The following SYTL5 variants were observed in gnomAD, a reference collection of about 807,000 sequenced individuals.
The protein encoded by SYTL5 is synaptotagmin like 5.
In SYTL5, 34 loss-of-function variants were observed where a neutral mutation model predicts 55.9. The ratio of observed to expected loss-of-function variants is 0.61; its 90% confidence interval spans 0.46 to 0.81. SYTL5 has a LOEUF of 0.81. Ranked by LOEUF, SYTL5 falls within the 30% of genes least tolerant of loss-of-function variation. SYTL5 has a pLI of 0.00. For missense variants in SYTL5, 637 were observed against 546.7 expected, an observed-to-expected ratio of 1.17 and a Z score of -1.65; for synonymous variants, 221 against 188.7, an observed-to-expected ratio of 1.17 and a Z score of -1.40.
At chrX:37,920,117 T>C in the SYTL5 span, among the ~76,000 whole-genome samples, 30 of 111,678 alleles carry the variant, frequency 2.7e-4, no homozygotes, top group African/African-American at 8.4e-4. Context: ...ATTTGGCCCA[T>C]GTGGATTTGC....
intron 3 of SYTL5, among the ~76,000 whole-genome samples, chrX:38,055,079 C>T (rs754091694): frequency 4.5e-5 from 5 of 111,804 alleles, no homozygotes; most frequent in Middle Eastern, 4.6e-3. Flanking sequence ...CTTGGCTTCA[C>T]GTGGCTCCTC....
At chrX:37,973,950 A>G in the SYTL5 span, among the ~76,000 whole-genome samples, 2 of 111,934 alleles carry the variant, frequency 1.8e-5, no homozygotes, top group African/African-American at 6.5e-5. Context: ...TAAGCCAAAA[A>G]CAGCAAGAAG....
At chrX:38,009,188 G>A (rs1364500629) in intron 1 of SYTL5, among the ~76,000 whole-genome samples, 2 of 111,329 alleles carry the variant, frequency 1.8e-5, no homozygotes, top group Non-Finnish European at 3.8e-5. Context: ...TTCCCTCAAA[G>A]GTTTAGCATT....
At chrX:37,923,602 T>C in the SYTL5 span, among the ~76,000 whole-genome samples, 1 of 110,191 alleles carries the variant, frequency 9.1e-6, no homozygotes, top group Non-Finnish European at 1.9e-5. Context: ...AGATATATTC[T>C]CAAAAGGTTT....
At chrX:37,990,195 A>G in the SYTL5 span, among the ~76,000 whole-genome samples, 1 of 111,062 alleles carries the variant, frequency 9.0e-6, no homozygotes, top group Admixed American at 9.6e-5. Flanking sequence ...TTAATTGAAA[A>G]ATGACTAAAA....
At chrX:38,047,216 C>T (rs1935489074) in intron 2 of SYTL5, among the ~76,000 whole-genome samples, 1 of 112,853 alleles carries the variant, frequency 8.9e-6, no homozygotes, top group Non-Finnish European at 1.9e-5. Flanking sequence ...TCCATCCCCA[C>T]ATTTCCCTTC....
the SYTL5 span, among the ~76,000 whole-genome samples, chrX:37,890,694 TA>T: frequency 8.9e-6 from 1 of 112,211 alleles, no homozygotes; most frequent in African/African-American, 3.2e-5. Context: ...TTGCTCTGCG[TA>T]AAAATCATGC....
At chrX:38,117,592 C>G (rs1203291758) in intron 13 of SYTL5, among the ~76,000 whole-genome samples, 1 of 112,186 alleles carries the variant, frequency 8.9e-6, no homozygotes, top group African/African-American at 3.2e-5. Flanking sequence ...TGTGGGTCGA[C>G]TAGACTCATC....
chrX:38,120,400 C>T lies in SYTL5; in HGVS notation c.1639C>T (p.Leu547=). ...TATTGGCCTTCAATACAAAGGAGAG[C>T]TGACAGTTGTTTTACGTTACATTCC... is the stretch of plus-strand genomic sequence containing the variant. ...PDIGLQYKGE[L]TVVLRYIPPE... The change falls in exon 14 of 17, where the codon CTG becomes TTG. Residue 547 remains leucine (L), a synonymous_variant. Coordinates refer to ENST00000297875, the MANE Select transcript of SYTL5 (RefSeq NM_138780.3). 8.3e-7 allele frequency: 1 copy of T among 1,211,111 alleles called. No individual in the cohort carries two copies. The highest frequency in any genetic ancestry group is 1.1e-6 in the Non-Finnish European group (1 of 895,031).
the SYTL5 span, among the ~76,000 whole-genome samples, chrX:37,974,472 G>A: frequency 8.9e-6 from 1 of 111,789 alleles, no homozygotes. Context: ...GCTTCCTTTT[G>A]GGATGATGAA....
chrX:38,125,579 A>T, intron 16 of SYTL5, 73 bp downstream of exon 16: 3 of 773,132 alleles, frequency 3.9e-6, no homozygotes, highest in Non-Finnish European at 5.9e-6. Flanking sequence ...TGCAGATGTG[A>T]TGTGCAGTGG....
At chrX:38,094,947 C>T (rs1936891510) in intron 8 of SYTL5, among the ~76,000 whole-genome samples, 1 of 111,816 alleles carries the variant, frequency 8.9e-6, no homozygotes, top group Non-Finnish European at 1.9e-5. Context: ...TCACAACAGT[C>T]CTCTGAAGCA....
At chrX:38,021,801 T>C (rs771765886) in intron 1 of SYTL5, among the ~76,000 whole-genome samples, 2 of 112,001 alleles carry the variant, frequency 1.8e-5, no homozygotes, top group Non-Finnish European at 3.8e-5. Context: ...ATTGGCAGTG[T>C]TCAAGATGGT....
the SYTL5 span, among the ~76,000 whole-genome samples, chrX:37,893,589 A>T: frequency 2.3e-5 from 2 of 88,729 alleles, no homozygotes; most frequent in African/African-American, 8.6e-5. Flanking sequence ...TATAATCTAT[A>T]TATTATCTAT....
chrX:37,938,064 T>G, the SYTL5 span, among the ~76,000 whole-genome samples: 2 of 112,365 alleles, frequency 1.8e-5, no homozygotes, highest in Non-Finnish European at 3.8e-5. Context: ...ATGATATATG[T>G]GCACAATTTC....
intron 7 of SYTL5, among the ~76,000 whole-genome samples, chrX:38,091,533 C>CT (rs11386724): frequency 0.38 from 42,317 of 110,064 alleles, 8,099 homozygotes; most frequent in African/African-American, 0.74. Flanking sequence ...GGGCAGTATG[C>CT]GGGGGCCCTT....
In SYTL5 at chrX:38,033,549, C is replaced by T. The variant is rs184788116; in HGVS notation, c.-341C>T. 2.0e-3 allele frequency: 238 copies of T among 119,498 alleles called. No individual in the cohort carries two copies. The highest frequency in any genetic ancestry group is 3.1e-3 in the Non-Finnish European group (179 of 58,170). 9.8% of individuals were successfully genotyped at this position (119,498 alleles called of 1,213,427 possible). ...ACCGTCTTAGTGTTTTCTGCATTCT[C>T]TCCCAGCGGATCTGATTCCTGTTCT... On this transcript the variant is annotated 5_prime_UTR_variant, in exon 2 of 17. Transcript: ENST00000297875.
intron 13 of SYTL5, among the ~76,000 whole-genome samples, chrX:38,114,072 T>G (rs1166162374): frequency 9.0e-6 from 1 of 111,254 alleles, no homozygotes; most frequent in African/African-American, 3.3e-5. Context: ...CCCTTCCTAA[T>G]AAAATACTAT....
chrX:38,092,352 T>C (rs1304706789), intron 7 of SYTL5, among the ~76,000 whole-genome samples: 4 of 111,515 alleles, frequency 3.6e-5, no homozygotes, highest in Non-Finnish European at 7.5e-5. Flanking sequence ...GACAGTAGGA[T>C]GGCTCAATCC....
Sources: gnomAD v4.1 joint callset for allele counts (sites outside exome capture counted in the v4.1 genomes callset) on GRCh38, gnomAD v4.1.1 for gene constraint, MANE v1.5 for transcripts, NCBI Gene and HGNC (gene_info 2026-07-23, HGNC 2026-07-21) for gene names.